Variants in CSF1R observed in about 807,000 individuals in gnomAD.
The protein encoded by CSF1R is colony stimulating factor 1 receptor.
CSF1R carries 40 observed loss-of-function variants against 110.0 expected under a neutral mutation model. That is an observed-to-expected ratio of 0.36 (90% CI 0.28 to 0.47). The LOEUF (loss-of-function observed/expected upper bound fraction) is 0.47. Ranked by LOEUF, CSF1R falls within the 20% of genes least tolerant of loss-of-function variation. The pLI, the probability that CSF1R is intolerant of heterozygous loss-of-function variation, is 0.99. For synonymous variants in CSF1R, 523 were observed against 503.4 expected (o/e 1.04, Z -0.52); for missense variants, 1,052 against 1,253.0 (o/e 0.84, Z 2.42).
In CSF1R at chr5:150,056,096, A is replaced by G. The variant is rs747837811; in HGVS notation, c.2484T>C (p.Phe828=). 5 of 1,614,244 alleles carry G rather than the reference A, an allele frequency of 3.1e-6. No homozygotes were observed. Among genetic ancestry groups the G allele is most frequent in the Admixed American group, 3.3e-5 (2 of 60,032 alleles). Residue 828 remains phenylalanine, a synonymous_variant, in exon 18 of 21, where the codon TTT becomes TTC. Coordinates refer to ENST00000675795, the MANE Select transcript of CSF1R (RefSeq NM_001288705.3). Reference sequence around the variant, plus strand: ...CGCTCTGAACCGTGTAGACACAGTCAAAGATGCTCTCTGGGGCCATCCACT... The same window carrying G: ...CGCTCTGAACCGTGTAGACACAGTCGAAGATGCTCTCTGGGGCCATCCACT... ...PVKWMAPESI[F]DCVYTVQSDV...
rs2113832958 is a variant in CSF1R at position 150,080,799 on chromosome 5, C to G, written c.275G>C (p.Gly92Ala). ...ATAGAGGTGGATGGCGGCGCTGCCTCCCAGGGGGTCTCCAGGCTCAGTGCA... is the reference window on the plus strand; with the variant it reads ...ATAGAGGTGGATGGCGGCGCTGCCTGCCAGGGGGTCTCCAGGCTCAGTGCA... ...YRCTEPGDPL[G>A]GSAAIHLYVK... Residue 92 changes from glycine (G) to alanine (A), a missense_variant, in exon 2 of 21, where the codon GGA becomes GCA. Gly to Ala is a moderately conservative substitution (Grantham distance 60). Transcript: ENST00000675795. 3 of 1,614,086 alleles carry G rather than the reference C, an allele frequency of 1.9e-6. No individual in the cohort carries two copies. Among genetic ancestry groups the G allele is most frequent in the Non-Finnish European group, 1.7e-6 (2 of 1,180,000 alleles).
chr5:150,110,565 C>T (rs1246274198), intron 1 of CSF1R, among the ~76,000 whole-genome samples: 1 of 151,936 alleles, frequency 6.6e-6, no homozygotes, highest in East Asian at 1.9e-4. Flanking sequence ...ATGAGTATGC[C>T]CATGATATAT....
At chr5:150,091,120 A>C (rs770052038), upstream of CSF1R, among the ~76,000 whole-genome samples, 6 of 146,228 alleles carry the variant, frequency 4.1e-5, no homozygotes, top group Non-Finnish European at 7.8e-5. Context: ...TCATCATAAT[A>C]AAAAAAATCG....
chr5:150,094,091 A>C (rs1759136019), intron 1 of CSF1R, among the ~76,000 whole-genome samples: 1 of 151,896 alleles, frequency 6.6e-6, no homozygotes, highest in East Asian at 1.9e-4. Flanking sequence ...TACAATTATT[A>C]TGTGTCAATC....
chr5:150,064,387 A>G (rs1757664830), intron 10 of CSF1R, among the ~76,000 whole-genome samples: 1 of 152,234 alleles, frequency 6.6e-6, no homozygotes, highest in East Asian at 1.9e-4. Flanking sequence ...GAGAGAAAAG[A>G]CTGCAATTAG....
At chr5:150,068,015 T>G (rs900517040) in intron 10 of CSF1R, among the ~76,000 whole-genome samples, 200 bp downstream of exon 10, 1 of 152,132 alleles carries the variant, frequency 6.6e-6, no homozygotes, top group Non-Finnish European at 1.5e-5. Context: ...TCTCTCGCAC[T>G]AGACAGTAAA....
rs570418092 is a variant in CSF1R at position 150,094,438 on chromosome 5, G to A, written c.-180-7831C>T. 200 of 1,597,970 alleles carry A rather than the reference G, an allele frequency of 1.3e-4. No homozygotes were observed. The African/African-American group carries it at 2.4e-3, about 19-fold the overall frequency. ...GCCCAAAAGATGCTTCGAAAGGCAA[G>A]GAGGAAGCTTATCTATGAAAAAGCA... On this transcript the variant is annotated intron_variant, in intron 1 of 21. Transcript: ENST00000286301.
chr5:150,082,638 A>G (rs553374719), intron 1 of CSF1R, among the ~76,000 whole-genome samples: 1 of 152,356 alleles, frequency 6.6e-6, no homozygotes, highest in South Asian at 2.1e-4. Context: ...AGCAGGAAAC[A>G]GCTTGGAGTG....
In CSF1R at chr5:150,068,823, CCT is replaced by C. The variant is rs201775622; in HGVS notation, c.1511-495_1511-494del. Among the ~76,000 whole-genome samples, 1,417 of 152,322 alleles carry C rather than the reference CCT, an allele frequency of 9.3e-3. 19 individuals are homozygous for C. The highest frequency in any genetic ancestry group is 0.032 in the African/African-American group (1,314 of 41,568). ...GGTCTAGCAAGCCAGGCTTGTGGCC[CCT>C]GAGTCTCCTCTTCCCAGAATCTATA... On this transcript the variant is annotated intron_variant, in intron 9 of 20. Transcript: ENST00000675795.
intron 1 of CSF1R, among the ~76,000 whole-genome samples, chr5:150,084,604 C>G (rs185607607): frequency 6.6e-6 from 1 of 151,490 alleles, no homozygotes; most frequent in Non-Finnish European, 1.5e-5. Context: ...AGGAACCCAC[C>G]ACCACACCCG....
intron 1 of CSF1R, among the ~76,000 whole-genome samples, chr5:150,099,969 AAT>A (rs1759350595): frequency 6.6e-6 from 1 of 152,248 alleles, no homozygotes; most frequent in South Asian, 2.1e-4. Context: ...GTCTTTCTAT[AAT>A]AGATATCAAG....
intron 16 of CSF1R, among the ~76,000 whole-genome samples, chr5:150,056,981 C>T (rs1258482392): frequency 6.6e-6 from 1 of 152,098 alleles, no homozygotes; most frequent in Non-Finnish European, 1.5e-5. Context: ...CCCACCAGAC[C>T]GCGTGCTTTA....
At chr5:150,085,277 G>GAAAAAAAAAAAAAAAAAAAAAAAAAA (rs70973563) in intron 1 of CSF1R, among the ~76,000 whole-genome samples, 1 of 92,470 alleles carries the variant, frequency 1.1e-5, no homozygotes, top group Non-Finnish European at 2.0e-5. Flanking sequence ...TCTGTCTCAG[G>GAAAAAAAAAAAAAAAAAAAAAAAAAA]AAAAAAAAAA....
At chr5:150,084,778 T>A (rs1758758916) in intron 1 of CSF1R, among the ~76,000 whole-genome samples, 1 of 151,256 alleles carries the variant, frequency 6.6e-6, no homozygotes, top group Admixed American at 6.6e-5. Context: ...ATAAAAAAAA[T>A]AAAATTAAAT....
intron 5 of CSF1R, 55 bp downstream of exon 5, chr5:150,077,221 T>G: frequency 1.2e-6 from 2 of 1,608,974 alleles, no homozygotes; most frequent in South Asian, 1.1e-5. Context: ...AAAACCCTTC[T>G]GCTCACACTC....
At chr5:150,086,244 A>T in intron 1 of CSF1R, 135 bp downstream of exon 1, 1 of 816,552 alleles carries the variant, frequency 1.2e-6, no homozygotes, top group Non-Finnish European at 2.0e-6. Context: ...GCAGATACCC[A>T]CAAGCCTGCA....
chr5:150,080,978 C>T lies in CSF1R; in HGVS notation c.96G>A (p.Val32=), dbSNP rs1006296207. The T allele has an allele frequency of 3.1e-6, 5 of 1,614,110 alleles. No homozygotes were observed. The highest frequency in any genetic ancestry group is 4.2e-6 in the Non-Finnish European group (5 of 1,179,966). ...GCAAGGTCACCGTTGCTCCTGGCTT[C>T]ACGACCAGCTCAGGGACACTGGGCT... ...VIEPSVPELV[V]KPGATVTLRC... The change falls in exon 2 of 21, where the codon GTG becomes GTA. Residue 32 remains valine, a synonymous_variant. Coordinates refer to ENST00000675795, the MANE Select transcript of CSF1R (RefSeq NM_001288705.3).
intron 1 of CSF1R, among the ~76,000 whole-genome samples, chr5:150,108,109 A>G (rs939231549): frequency 6.6e-6 from 1 of 152,182 alleles, no homozygotes; most frequent in African/African-American, 2.4e-5. Flanking sequence ...TGTTCCAAGA[A>G]GGAGAAACAG....
At chr5:150,090,996 C>T (rs536949104), upstream of CSF1R, among the ~76,000 whole-genome samples, 2 of 151,994 alleles carry the variant, frequency 1.3e-5, no homozygotes, top group Admixed American at 1.3e-4. Context: ...AAAAAACAGG[C>T]AAAACATTGA....
Sources: allele counts gnomAD v4.1 joint callset (sites outside exome capture counted in the v4.1 genomes callset), GRCh38; gene constraint gnomAD v4.1.1; transcripts MANE v1.5; gene names NCBI Gene and HGNC (gene_info 2026-07-23, HGNC 2026-07-21).